The following ADAMTS19 variants were observed in gnomAD, a reference collection of about 807,000 sequenced individuals.
ADAMTS19 encodes A disintegrin and metalloproteinase with thrombospondin motifs 19.
In ADAMTS19, 93 loss-of-function variants were observed where a neutral mutation model predicts 153.3. The observed-to-expected ratio is 0.61, with a 90% CI of 0.51 to 0.72. The LOEUF (loss-of-function observed/expected upper bound fraction) is 0.72, where lower values mean the gene tolerates loss of function less well. Ranked by LOEUF, ADAMTS19 falls within the 30% of genes least tolerant of loss-of-function variation. ADAMTS19 has a pLI of 0.00. For missense variants in ADAMTS19, 1,482 were observed against 1,552.1 expected (o/e 0.95, Z 0.76); for synonymous variants, 600 against 556.6 (o/e 1.08, Z -1.10).
chr5:129,713,216 G>A (rs1470968100), intron 21 of ADAMTS19, among the ~76,000 whole-genome samples: 1 of 152,146 alleles, frequency 6.6e-6, no homozygotes, highest in Non-Finnish European at 1.5e-5. Flanking sequence ...CAGGGGGTGA[G>A]CAGGTATGTT....
intron 6 of ADAMTS19, among the ~76,000 whole-genome samples, chr5:129,537,865 A>T (rs1313216939): frequency 6.6e-6 from 1 of 152,116 alleles, no homozygotes; most frequent in Non-Finnish European, 1.5e-5. Flanking sequence ...AACATGGCAC[A>T]TGTATATGTA....
chr5:129,711,306 G>A (rs1184022947), intron 21 of ADAMTS19, among the ~76,000 whole-genome samples: 3 of 152,168 alleles, frequency 2.0e-5, no homozygotes, highest in African/African-American at 4.8e-5. Flanking sequence ...ATCTTGTCAA[G>A]TAGACACATT....
chr5:129,643,084 G>A (rs1443931460), intron 11 of ADAMTS19, among the ~76,000 whole-genome samples: 1 of 152,112 alleles, frequency 6.6e-6, no homozygotes, highest in East Asian at 1.9e-4. Context: ...TGATAGGCAT[G>A]TCAGAAATTT....
intron 21 of ADAMTS19, among the ~76,000 whole-genome samples, chr5:129,717,988 G>T (rs1756808729): frequency 6.6e-6 from 1 of 152,164 alleles, no homozygotes; most frequent in Non-Finnish European, 1.5e-5. Flanking sequence ...CTGGTGGGAA[G>T]ATGTTTCACT....
Position 129,635,984 on chromosome 5 carries a change from G to C in ADAMTS19, c.1771-5875G>C, listed in dbSNP as rs144690754. Among the ~76,000 whole-genome samples the C allele has an allele frequency of 6.5e-3, 994 of 152,180 alleles. 14 individuals are homozygous for C. Among genetic ancestry groups the C allele is most frequent in the African/African-American group, 0.023 (955 of 41,518 alleles). On this transcript the variant is annotated intron_variant, in intron 10 of 22. Transcript: ENST00000274487. ...TGATCTCACCTTACTGCAACCTCCA[G>C]CTCCCAGGTTCAAGCAATTCTCTTT...
intron 2 of ADAMTS19, among the ~76,000 whole-genome samples, chr5:129,490,696 C>A (rs768352379): frequency 3.3e-5 from 5 of 152,016 alleles, no homozygotes; most frequent in Non-Finnish European, 5.9e-5. Flanking sequence ...TTCAAATAAG[C>A]CCATTTTCTG....
intron 2 of ADAMTS19, among the ~76,000 whole-genome samples, chr5:129,473,146 A>G (rs1204522364): frequency 6.6e-6 from 1 of 151,894 alleles, no homozygotes; most frequent in African/African-American, 2.4e-5. Context: ...TTCACATTCC[A>G]GGTATTTGGA....
At chr5:129,633,899 C>A (rs1223478720) in intron 10 of ADAMTS19, among the ~76,000 whole-genome samples, 1 of 152,098 alleles carries the variant, frequency 6.6e-6, no homozygotes, top group Admixed American at 6.6e-5. Context: ...CAGTTTATGG[C>A]AGCCTTGACC....
At chr5:129,509,406 T>A (rs367752998) in intron 3 of ADAMTS19, among the ~76,000 whole-genome samples, 164 bp downstream of exon 3, 1 of 152,070 alleles carries the variant, frequency 6.6e-6, no homozygotes, top group African/African-American at 2.4e-5. Flanking sequence ...TTTAGTTTTT[T>A]ATGAAGCACT....
At chr5:129,546,267 G>A (rs903153148) in intron 6 of ADAMTS19, among the ~76,000 whole-genome samples, 5 of 150,322 alleles carry the variant, frequency 3.3e-5, no homozygotes, top group Admixed American at 1.3e-4. Flanking sequence ...GGATAGCATT[G>A]GGAGATATAC....
At chr5:129,655,152 A>G (rs1386373931) in intron 14 of ADAMTS19, among the ~76,000 whole-genome samples, 2 of 152,206 alleles carry the variant, frequency 1.3e-5, no homozygotes, top group African/African-American at 4.8e-5. Context: ...CTATGTGGAG[A>G]TAAGGAAGAG....
At chr5:129,566,745 A>G (rs1333606642) in intron 7 of ADAMTS19, among the ~76,000 whole-genome samples, 1 of 152,060 alleles carries the variant, frequency 6.6e-6, no homozygotes, top group Non-Finnish European at 1.5e-5. Context: ...CCCATCTCCC[A>G]TCTTCTACAA....
intron 5 of ADAMTS19, among the ~76,000 whole-genome samples, chr5:129,528,163 C>T (rs973029421): frequency 3.9e-5 from 6 of 151,936 alleles, no homozygotes; most frequent in Non-Finnish European, 7.4e-5. Context: ...TATTCTGTGA[C>T]ATCATTTTGA....
intron 10 of ADAMTS19, among the ~76,000 whole-genome samples, chr5:129,635,060 CTT>C (rs2127008138): frequency 6.6e-6 from 1 of 152,036 alleles, no homozygotes; most frequent in African/African-American, 2.4e-5. Context: ...CAATAGCAAA[CTT>C]AAGTTTACAA....
chr5:129,715,145 G>A (rs1756668441), intron 21 of ADAMTS19, among the ~76,000 whole-genome samples: 1 of 152,092 alleles, frequency 6.6e-6, no homozygotes, highest in Non-Finnish European at 1.5e-5. Flanking sequence ...CATTTTATTT[G>A]AATTACATTG....
intron 21 of ADAMTS19, among the ~76,000 whole-genome samples, chr5:129,731,285 G>A (rs1757435800): frequency 1.3e-5 from 2 of 152,144 alleles, no homozygotes; most frequent in Admixed American, 1.3e-4. Flanking sequence ...AAAAGACATG[G>A]CATTTAGGAA....
At chr5:129,725,564 C>G (rs540622962) in intron 21 of ADAMTS19, among the ~76,000 whole-genome samples, 2 of 152,236 alleles carry the variant, frequency 1.3e-5, no homozygotes, top group East Asian at 1.9e-4. Flanking sequence ...AGTTGCTGAT[C>G]ACCAGTTTCA....
At chr5:129,702,938 AAAAATATATAT>A (rs1561658666) in intron 20 of ADAMTS19, among the ~76,000 whole-genome samples, 1 of 25,734 alleles carries the variant, frequency 3.9e-5, no homozygotes, top group African/African-American at 8.6e-5. Context: ...CCAAAAAAAA[AAAAATATATAT>A]ATATATATAT....
At chr5:129,606,117 C>T (rs1235049212) in intron 8 of ADAMTS19, among the ~76,000 whole-genome samples, 1 of 152,126 alleles carries the variant, frequency 6.6e-6, no homozygotes, top group Non-Finnish European at 1.5e-5. Flanking sequence ...GCAAAGTTAC[C>T]TCCTTGAAGG....
Sources: gnomAD v4.1 joint callset for allele counts (sites outside exome capture counted in the v4.1 genomes callset) on GRCh38, gnomAD v4.1.1 for gene constraint, MANE v1.5 for transcripts, NCBI Gene and HGNC (gene_info 2026-07-23, HGNC 2026-07-21) for gene names.